MAML2: variants seen among roughly 807,000 people sequenced by gnomAD.
MAML2 encodes mastermind-like protein 2.
In MAML2, 22 loss-of-function variants were observed where a neutral mutation model predicts 96.1. The ratio of observed to expected loss-of-function variants is 0.23; its 90% confidence interval spans 0.16 to 0.33. The LOEUF (loss-of-function observed/expected upper bound fraction) is 0.33, where lower values mean the gene tolerates loss of function less well. Ranked by LOEUF, MAML2 falls within the 10% of genes least tolerant of loss-of-function variation. The pLI is 1.00. For synonymous variants in MAML2, 561 were observed against 521.3 expected (o/e 1.08, Z -1.04); for missense variants, 1,367 against 1,392.4 (o/e 0.98, Z 0.29).
chr11:96,299,056 A>ATAT (rs1191083053), intron 1 of MAML2, among the ~76,000 whole-genome samples: 2,755 of 49,282 alleles, frequency 0.056, 44 homozygotes, highest in Non-Finnish European at 0.068. Flanking sequence ...AAAAAAAAAA[A>ATAT]AAAAATATAT....
At chr11:96,286,333 G>T in intron 1 of MAML2, among the ~76,000 whole-genome samples, 1 of 152,182 alleles carries the variant, frequency 6.6e-6, no homozygotes, top group Non-Finnish European at 1.5e-5. Flanking sequence ...GGAGGGAGCA[G>T]GGGGAGGGAG....
At chr11:96,089,072 T>G (rs1486572455) in intron 2 of MAML2, among the ~76,000 whole-genome samples, 2 of 151,080 alleles carry the variant, frequency 1.3e-5, no homozygotes, top group African/African-American at 4.9e-5. Context: ...AAAAAATACA[T>G]GACTAGTGTT....
intron 2 of MAML2, among the ~76,000 whole-genome samples, chr11:96,047,930 A>G (rs11021402): frequency 0.16 from 20,021 of 127,416 alleles, 2,128 homozygotes; most frequent in East Asian, 0.45. Context: ...AAAAAAAAAA[A>G]AAAAGAAAAA....
chr11:96,094,984 C>G (rs1234279672), intron 1 of MAML2, among the ~76,000 whole-genome samples: 1 of 152,092 alleles, frequency 6.6e-6, no homozygotes, highest in Non-Finnish European at 1.5e-5. Flanking sequence ...TACTTTATTT[C>G]CCTTAATCTG....
chr11:96,018,753 T>C (rs1015293445), intron 2 of MAML2, among the ~76,000 whole-genome samples: 1 of 152,128 alleles, frequency 6.6e-6, no homozygotes, highest in African/African-American at 2.4e-5. Context: ...CCTGCCACCA[T>C]GACTGGCTAA....
intron 1 of MAML2, among the ~76,000 whole-genome samples, chr11:96,271,883 C>T (rs958177945): frequency 1.3e-5 from 2 of 152,206 alleles, no homozygotes; most frequent in African/African-American, 4.8e-5. Context: ...TCTTTGATAT[C>T]AATTCCCATT....
intron 2 of MAML2, among the ~76,000 whole-genome samples, chr11:96,052,379 A>T (rs1156790157): frequency 1.3e-5 from 2 of 152,180 alleles, no homozygotes; most frequent in African/African-American, 2.4e-5. Context: ...CAGAAAGGGG[A>T]CTGTTTTGAC....
Position 96,093,409 on chromosome 11 carries a change from C to T in MAML2, c.622G>A (p.Val208Ile), listed in dbSNP as rs1004962884. 2.5e-5 allele frequency: 41 copies of T among 1,613,918 alleles called. No individual in the cohort carries two copies. Among genetic ancestry groups the T allele is most frequent in the Non-Finnish European group, 3.4e-5 (40 of 1,179,890 alleles). The stretch of plus-strand genomic sequence containing the variant: ...TGTCCTGCAGAGAGATTCTCCCCAA[C>T]ACGAATTCTTTTGATATCAAGAAAT... ...NSFLDIKRIR[V>I]GENLSAGQGG... Residue 208 changes from valine (V) to isoleucine (I), a missense_variant, in exon 2 of 5, where the codon GTT becomes ATT. Physicochemically the swap from Val to Ile is conservative, Grantham distance 29. Transcript: ENST00000524717.
At chr11:96,049,450 C>A (rs1475928444) in intron 2 of MAML2, among the ~76,000 whole-genome samples, 1 of 152,204 alleles carries the variant, frequency 6.6e-6, no homozygotes, top group East Asian at 1.9e-4. Context: ...GGAATCTGTT[C>A]CCAGTGTGTT....
At chr11:96,012,878 G>T (rs960836719) in intron 2 of MAML2, among the ~76,000 whole-genome samples, 1 of 152,122 alleles carries the variant, frequency 6.6e-6, no homozygotes, top group African/African-American at 2.4e-5. Context: ...TGTTTCACAA[G>T]GCAACAGAAT....
intron 1 of MAML2, among the ~76,000 whole-genome samples, chr11:96,335,875 C>G (rs1801137614): frequency 6.6e-6 from 1 of 152,112 alleles, no homozygotes; most frequent in Non-Finnish European, 1.5e-5. Flanking sequence ...ACTTACATGC[C>G]TGCACTCAGC....
chr11:96,050,600 T>C (rs1368927575), intron 2 of MAML2, among the ~76,000 whole-genome samples: 4 of 152,216 alleles, frequency 2.6e-5, no homozygotes, highest in Non-Finnish European at 5.9e-5. Context: ...TCAACTATGT[T>C]ACTAGGCAAC....
intron 2 of MAML2, among the ~76,000 whole-genome samples, chr11:96,054,754 A>G (rs922424940): frequency 5.3e-5 from 8 of 152,144 alleles, no homozygotes; most frequent in African/African-American, 1.9e-4. Flanking sequence ...TGCAGTTATC[A>G]TTTCTCAGAA....
chr11:96,021,395 G>A (rs923291636), intron 2 of MAML2, among the ~76,000 whole-genome samples: 7 of 152,168 alleles, frequency 4.6e-5, no homozygotes, highest in Admixed American at 3.9e-4. Flanking sequence ...GGGAGGATAC[G>A]AATCCATCAT....
At chr11:96,288,621 A>C (rs970363857) in intron 1 of MAML2, among the ~76,000 whole-genome samples, 19 of 152,096 alleles carry the variant, frequency 1.2e-4, no homozygotes, top group Non-Finnish European at 2.4e-4. Context: ...TCAAACTGCC[A>C]AGCAACAAAT....
intron 2 of MAML2, among the ~76,000 whole-genome samples, chr11:96,014,374 C>T (rs897543887): frequency 2.6e-5 from 4 of 152,112 alleles, no homozygotes; most frequent in Admixed American, 1.3e-4. Flanking sequence ...TGGTTGTTGA[C>T]TCACATTAAT....
intron 1 of MAML2, among the ~76,000 whole-genome samples, chr11:96,266,732 A>T (rs1862833129): frequency 1.3e-5 from 2 of 152,186 alleles, no homozygotes; most frequent in South Asian, 4.1e-4. Context: ...TAGGTGCTTA[A>T]ATGGTAGGAT....
intron 1 of MAML2, among the ~76,000 whole-genome samples, chr11:96,148,625 C>T (rs1860860316): frequency 6.9e-6 from 1 of 145,842 alleles, no homozygotes; most frequent in Non-Finnish European, 1.5e-5. Context: ...GGGAAATGTC[C>T]TTCTGGCCTG....
At chr11:96,191,009 G>A (rs143232875) in intron 1 of MAML2, among the ~76,000 whole-genome samples, 1,535 of 152,290 alleles carry the variant, frequency 0.01, 11 homozygotes, top group Middle Eastern at 0.024. Context: ...ATAGCATTCA[G>A]TTTTGTGTAC....
Sources: gnomAD v4.1 joint callset for allele counts (sites outside exome capture counted in the v4.1 genomes callset) on GRCh38, gnomAD v4.1.1 for gene constraint, MANE v1.5 for transcripts, NCBI Gene and HGNC (gene_info 2026-07-23, HGNC 2026-07-21) for gene names.